Variants in NBAS observed in about 807,000 individuals in gnomAD.
NBAS encodes the protein NAG/BC035112 fusion.
Under a neutral mutation model 302.5 loss-of-function variants are expected in NBAS, and 219 were observed. The ratio of observed to expected loss-of-function variants is 0.72; its 90% confidence interval spans 0.65 to 0.81. The LOEUF (loss-of-function observed/expected upper bound fraction) is 0.81, where lower values mean the gene tolerates loss of function less well. Among genes scored for constraint, NBAS ranks in the 30% least tolerant of loss-of-function variants. The probability of loss-of-function intolerance (pLI) is 0.00; values close to 1 mark genes in which losing one functional copy is unlikely to be tolerated. For missense variants in NBAS, 2,932 were observed against 2,841.6 expected (o/e 1.03, Z -0.72); for synonymous variants, 1,118 against 1,021.6 (o/e 1.09, Z -1.80).
chr2:15,059,414 T>C, the NBAS span, among the ~76,000 whole-genome samples: 1 of 152,204 alleles, frequency 6.6e-6, no homozygotes, highest in East Asian at 1.9e-4. Flanking sequence ...CTTTGCATTG[T>C]TGACACTTTG....
At chr2:14,850,297 C>G in the NBAS span, among the ~76,000 whole-genome samples, 5 of 121,850 alleles carry the variant, frequency 4.1e-5, 1 homozygote, top group South Asian at 2.3e-4. Flanking sequence ...TGATAAAACA[C>G]ACTTTAAATC....
intron 38 of NBAS, among the ~76,000 whole-genome samples, chr2:15,316,193 A>T (rs1671500558): frequency 6.6e-6 from 1 of 152,328 alleles, no homozygotes; most frequent in East Asian, 1.9e-4. Flanking sequence ...AATATAAAGC[A>T]TTGTCTAAAC....
rs377518849 is a variant in NBAS, at chr2:15,207,800, C to A, written c.6432+10973G>T. Among the ~76,000 whole-genome samples, 99 of 152,262 alleles carry A rather than the reference C, an allele frequency of 6.5e-4. 1 individual carries two copies. In the East Asian group the frequency reaches 0.01, roughly 16 times the overall value. ...GTTTCCTGGGGCCTCCCAAGCCATG[C>A]AGAACTGTGAGTTAATTAAACCTCT... On this transcript the variant is annotated intron_variant, in intron 48 of 51. Coordinates refer to ENST00000281513, the MANE Select transcript of NBAS (RefSeq NM_015909.4).
chr2:14,945,630 G>C, the NBAS span, among the ~76,000 whole-genome samples: 2 of 151,990 alleles, frequency 1.3e-5, no homozygotes, highest in Non-Finnish European at 2.9e-5. Flanking sequence ...ACTGAGAAAT[G>C]TACATGTTGA....
rs1482412634 is a variant in NBAS, at chr2:15,232,291, G to A, written c.6236+131C>T. On this transcript the variant is annotated intron_variant, in intron 47 of 51. Transcript: ENST00000281513. ...AGCTAAGAATACCATGTCTCCAAGT[G>A]CAGAGCCGCTCCTTTCCCACCTAAA... 4 of 797,334 alleles carry A rather than the reference G, an allele frequency of 5.0e-6. No homozygotes were observed. In the Admixed American group the frequency reaches 8.2e-5, roughly 16 times the overall value. 49.4% of individuals were successfully genotyped at this position (797,334 alleles called of 1,614,324 possible).
chr2:15,302,669 T>C (rs1220809463), intron 40 of NBAS, among the ~76,000 whole-genome samples: 3 of 152,206 alleles, frequency 2.0e-5, no homozygotes, highest in Non-Finnish European at 4.4e-5. Flanking sequence ...TGATGGTTAA[T>C]ATTAAGTATC....
chr2:14,806,472 G>T, the NBAS span, among the ~76,000 whole-genome samples: 2 of 152,038 alleles, frequency 1.3e-5, no homozygotes, highest in African/African-American at 2.4e-5. Context: ...ATTGTGATAA[G>T]CTTAGTTCAT....
chr2:15,171,183 C>T (rs1664274864), intron 51 of NBAS, among the ~76,000 whole-genome samples: 1 of 152,174 alleles, frequency 6.6e-6, no homozygotes, highest in South Asian at 2.1e-4. Flanking sequence ...ATGCCACCTT[C>T]TTGCTGACAT....
intron 48 of NBAS, among the ~76,000 whole-genome samples, chr2:15,206,611 G>A (rs1666157630): frequency 6.6e-6 from 1 of 152,202 alleles, no homozygotes; most frequent in African/African-American, 2.4e-5. Context: ...GGTTCCATGG[G>A]CCAGGCCCAG....
chr2:15,335,956 C>T (rs557138171), intron 35 of NBAS, among the ~76,000 whole-genome samples: 2 of 152,134 alleles, frequency 1.3e-5, no homozygotes, highest in East Asian at 3.9e-4. Context: ...ATTACGCAGG[C>T]ATTGTGGCAC....
chr2:15,080,966 T>G, the NBAS span, among the ~76,000 whole-genome samples: 5 of 152,154 alleles, frequency 3.3e-5, no homozygotes, highest in Non-Finnish European at 7.4e-5. Flanking sequence ...CAGCCCTTGA[T>G]GGACAGCTGC....
the NBAS span, among the ~76,000 whole-genome samples, chr2:14,837,295 GA>G: frequency 6.6e-6 from 1 of 151,816 alleles, no homozygotes; most frequent in Non-Finnish European, 1.5e-5. Flanking sequence ...TGAATACCGT[GA>G]ACTCTGTAAT....
At chr2:15,032,592 C>A in the NBAS span, among the ~76,000 whole-genome samples, 2 of 151,996 alleles carry the variant, frequency 1.3e-5, no homozygotes, top group African/African-American at 4.8e-5. Context: ...AGTTATTAAG[C>A]AAGAAGGAAC....
intron 44 of NBAS, among the ~76,000 whole-genome samples, chr2:15,242,213 T>C (rs1667897242): frequency 1.3e-5 from 2 of 152,222 alleles, no homozygotes; most frequent in Non-Finnish European, 1.5e-5. Context: ...GGTGTAACTT[T>C]TTCAAGAGTT....
At chr2:15,429,037 C>CA (rs11405002) in intron 21 of NBAS, among the ~76,000 whole-genome samples, 87,395 of 132,392 alleles carry the variant, frequency 0.66, 28,249 homozygotes, top group Non-Finnish European at 0.69. Context: ...TACTCTGTCT[C>CA]AAAAAAAAAA....
chr2:15,379,628 G>A lies in NBAS; in HGVS notation c.3564C>T (p.Leu1188=). The A allele has an allele frequency of 6.2e-7, 1 of 1,613,858 alleles. No individual in the cohort carries two copies. The highest frequency in any genetic ancestry group is 8.5e-7 in the Non-Finnish European group (1 of 1,179,952). The part of the protein sequence containing the change: ...SREYFNSSTN[L]TDSCMDLARC... ...TGGCTAGATCCATGCAGCTATCAGT[G>A]AGGTTGGTAGAAGAATTGAAGTACT... The change falls in exon 30 of 52, where the codon CTC becomes CTT. Residue 1188 remains leucine, a synonymous_variant. Coordinates refer to ENST00000281513, the MANE Select transcript of NBAS (RefSeq NM_015909.4).
intron 16 of NBAS, among the ~76,000 whole-genome samples, chr2:15,469,340 G>A (rs927994210): frequency 5.9e-5 from 9 of 152,138 alleles, no homozygotes; most frequent in Non-Finnish European, 1.3e-4. Flanking sequence ...TGGGCACTTA[G>A]TGCTATAAAT....
chr2:15,016,447 C>T, the NBAS span, among the ~76,000 whole-genome samples: 1 of 151,958 alleles, frequency 6.6e-6, no homozygotes, highest in African/African-American at 2.4e-5. Flanking sequence ...AGGAAAACTA[C>T]AAAACACTGA....
Position 15,256,680 on chromosome 2 carries a change from T to C in NBAS, c.5725-17994A>G, listed in dbSNP as rs552494883. Among the ~76,000 whole-genome samples, 3 of 152,356 alleles carry C rather than the reference T, an allele frequency of 2.0e-5. No homozygotes were observed. The South Asian group carries it at 6.2e-4, about 32-fold the overall frequency. ...CAACTTTTCCCTGTTCAGTATAATG[T>C]TGGCTGTGGGTCTGTCAGCGATGCC... On this transcript the variant is annotated intron_variant, in intron 44 of 51. Transcript: ENST00000281513.
Sources: allele counts gnomAD v4.1 joint callset (sites outside exome capture counted in the v4.1 genomes callset), GRCh38; gene constraint gnomAD v4.1.1; transcripts MANE v1.5; gene names NCBI Gene and HGNC (gene_info 2026-07-23, HGNC 2026-07-21).